The following SENP7 variants were observed in gnomAD, a reference collection of about 807,000 sequenced individuals.
SENP7 encodes the protein SUMO specific peptidase 7.
A neutral mutation model predicts 141.2 loss-of-function variants in SENP7; 64 were observed. That is an observed-to-expected ratio of 0.45 (90% CI 0.37 to 0.56). The LOEUF (loss-of-function observed/expected upper bound fraction) is 0.56, where lower values mean the gene tolerates loss of function less well. Among genes scored for constraint, SENP7 ranks in the 20% least tolerant of loss-of-function variants. The pLI, the probability that SENP7 is intolerant of heterozygous loss-of-function variation, is 0.00. For synonymous variants in SENP7, 382 were observed against 426.4 expected, an observed-to-expected ratio of 0.90 and a Z score of 1.28; for missense variants, 1,025 against 1,212.2, an observed-to-expected ratio of 0.85 and a Z score of 2.29.
intron 17 of SENP7, among the ~76,000 whole-genome samples, chr3:101,335,974 T>G (rs899575093): frequency 5.3e-5 from 8 of 152,198 alleles, no homozygotes; most frequent in African/African-American, 1.9e-4. Context: ...ACATCCCAGT[T>G]TGTCTAGAAA....
At chr3:101,443,267 C>T (rs1225750582) in intron 4 of SENP7, among the ~76,000 whole-genome samples, 12 of 152,048 alleles carry the variant, frequency 7.9e-5, no homozygotes, top group East Asian at 5.8e-4. Context: ...TGTAGATATG[C>T]GGCGTTATTT....
intron 11 of SENP7, among the ~76,000 whole-genome samples, chr3:101,355,953 T>G (rs907610551): frequency 6.6e-5 from 10 of 152,192 alleles, no homozygotes; most frequent in African/African-American, 1.9e-4. Flanking sequence ...TCATAGGTAT[T>G]TTATTCATTT....
rs78690537 is a variant in SENP7 at position 101,364,843 on chromosome 3, T to G, written c.1467A>C (p.Glu489Asp). 3.9e-5 allele frequency: 62 copies of G among 1,589,038 alleles called. 1 individual carries two copies. The East Asian group carries it at 1.4e-3, about 37-fold the overall frequency. The change falls in exon 10 of 24, where the codon GAA becomes GAC. Residue 489 changes from glutamate (E) to aspartate (D), a missense_variant. Around this residue, in one of 4 missense-constraint regions of SENP7, gnomAD observed 228 missense variants for 228.5 expected, o/e 1.00. Transcript: ENST00000394095. ...GACAGAAATAAATTACCTGTACAGATTCACATGTAATCAATGGTAGTTCTA... is the reference window on the plus strand; with the variant it reads ...GACAGAAATAAATTACCTGTACAGAGTCACATGTAATCAATGGTAGTTCTA... The part of the protein sequence containing the change: ...ALLELPLITC[E>D]SVQMSSELCP...
chr3:101,448,286 C>T (rs541344067), intron 4 of SENP7, among the ~76,000 whole-genome samples: 1 of 151,992 alleles, frequency 6.6e-6, no homozygotes, highest in Non-Finnish European at 1.5e-5. Flanking sequence ...TCAAAGGACA[C>T]CATCAAGAGA....
intron 3 of SENP7, among the ~76,000 whole-genome samples, chr3:101,475,309 C>T (rs1216960526): frequency 1.3e-5 from 2 of 152,220 alleles, no homozygotes; most frequent in South Asian, 2.1e-4. Flanking sequence ...ATCCCAAATG[C>T]CCATCAATGA....
chr3:101,500,681 A>T (rs557189162), intron 2 of SENP7, among the ~76,000 whole-genome samples: 1 of 152,388 alleles, frequency 6.6e-6, no homozygotes, highest in East Asian at 1.9e-4. Flanking sequence ...AAGAGGCTTA[A>T]AAGGACATAT....
At chr3:101,491,978 G>A (rs569638529) in intron 3 of SENP7, among the ~76,000 whole-genome samples, 7 of 152,316 alleles carry the variant, frequency 4.6e-5, no homozygotes, top group African/African-American at 1.7e-4. Context: ...AGTAATCCCA[G>A]CTACTGGGGA....
chr3:101,329,511 A>G (rs947273798), intron 20 of SENP7, among the ~76,000 whole-genome samples: 1 of 152,124 alleles, frequency 6.6e-6, no homozygotes, highest in South Asian at 2.1e-4. Flanking sequence ...TTAAGTGGCA[A>G]TCTTAATTTA....
At chr3:101,370,368 AC>A (rs994702626) in intron 7 of SENP7, among the ~76,000 whole-genome samples, 1 of 152,124 alleles carries the variant, frequency 6.6e-6, no homozygotes, top group African/African-American at 2.4e-5. Context: ...ACAAATACTT[AC>A]ATTTTTACTT....
intron 4 of SENP7, among the ~76,000 whole-genome samples, chr3:101,438,785 T>C (rs534299886): frequency 6.6e-6 from 1 of 152,286 alleles, no homozygotes; most frequent in African/African-American, 2.4e-5. Context: ...TGAATTCAAC[T>C]GAACATTTAA....
intron 6 of SENP7, among the ~76,000 whole-genome samples, chr3:101,388,071 A>G (rs1241521699): frequency 6.6e-6 from 1 of 152,136 alleles, no homozygotes; most frequent in African/African-American, 2.4e-5. Context: ...CTTAAGGAAT[A>G]AGGATTGACC....
intron 5 of SENP7, among the ~76,000 whole-genome samples, chr3:101,410,754 A>C (rs2061432805): frequency 6.6e-6 from 1 of 152,078 alleles, no homozygotes. Context: ...CTGAGGCACA[A>C]GAATCACTTG....
chr3:101,384,851 G>C, intron 6 of SENP7, among the ~76,000 whole-genome samples: 1 of 152,258 alleles, frequency 6.6e-6, no homozygotes, highest in South Asian at 2.1e-4. Context: ...AGCTTCCTGA[G>C]GTCTCCCCAG....
chr3:101,453,487 C>T (rs894489582), intron 4 of SENP7, among the ~76,000 whole-genome samples: 1 of 152,110 alleles, frequency 6.6e-6, no homozygotes, highest in African/African-American at 2.4e-5. Flanking sequence ...CAATGGTAGA[C>T]TGGATGAAGA....
intron 4 of SENP7, among the ~76,000 whole-genome samples, chr3:101,453,938 A>G (rs1335680954): frequency 6.6e-6 from 1 of 152,164 alleles, no homozygotes; most frequent in Non-Finnish European, 1.5e-5. Context: ...TTTAGTTATT[A>G]GGAAATGGCA....
chr3:101,410,290 T>G (rs2061417508), intron 5 of SENP7, among the ~76,000 whole-genome samples: 1 of 152,096 alleles, frequency 6.6e-6, no homozygotes, highest in African/African-American at 2.4e-5. Context: ...GATGTTGGCA[T>G]GGATGTGATG....
chr3:101,463,402 T>TATATATATACAC (rs1553744839), intron 3 of SENP7, among the ~76,000 whole-genome samples: 40 of 101,234 alleles, frequency 4.0e-4, no homozygotes, highest in African/African-American at 1.2e-3. Context: ...TATATACATA[T>TATATATATACAC]ATATATATAT....
At chr3:101,353,877 T>A (rs2059671094) in intron 11 of SENP7, among the ~76,000 whole-genome samples, 1 of 152,018 alleles carries the variant, frequency 6.6e-6, no homozygotes, top group Admixed American at 6.6e-5. Context: ...TCTACAATAA[T>A]GCTTAACACA....
At chr3:101,499,280 A>C (rs971840840) in intron 2 of SENP7, among the ~76,000 whole-genome samples, 2 of 152,188 alleles carry the variant, frequency 1.3e-5, no homozygotes. Flanking sequence ...ATTTCACTTC[A>C]CTGGATATAA....
Sources: gnomAD v4.1 joint callset for allele counts (sites outside exome capture counted in the v4.1 genomes callset) on GRCh38, gnomAD v4.1.1 for gene constraint, gnomAD v4.1.1 regional missense constraint, MANE v1.5 for transcripts, NCBI Gene and HGNC (gene_info 2026-07-23, HGNC 2026-07-21) for gene names.